CCDC171: variants seen among roughly 807,000 people sequenced by gnomAD.
CCDC171 encodes the protein coiled-coil domain containing 171.
Under a neutral mutation model 168.2 loss-of-function variants are expected in CCDC171, and 177 were observed. That is an observed-to-expected ratio of 1.05 (90% CI 0.93 to 1.19). The LOEUF is 1.19. CCDC171 is among the 50% of genes most tolerant of loss of function. CCDC171 has a pLI of 0.00. For missense variants in CCDC171, 1,991 were observed against 1,539.0 expected, an observed-to-expected ratio of 1.29 and a Z score of -4.91; for synonymous variants, 687 against 540.8, an observed-to-expected ratio of 1.27 and a Z score of -3.75.
At chr9:15,889,200 A>T (rs1215208867) in intron 24 of CCDC171, 2 of 151,554 alleles carry the variant, frequency 1.3e-5, no homozygotes, top group South Asian at 2.1e-4. Context: ...ACGTCAAATG[A>T]TCCACCTGCC....
At chr9:15,864,252 T>C (rs1348640111) in intron 23 of CCDC171, among the ~76,000 whole-genome samples, 1 of 152,104 alleles carries the variant, frequency 6.6e-6, no homozygotes, top group African/African-American at 2.4e-5. Context: ...GCATATACTT[T>C]TGTTTTTTAA....
chr9:15,859,652 G>A (rs1222617520), intron 23 of CCDC171, among the ~76,000 whole-genome samples: 4 of 116,646 alleles, frequency 3.4e-5, no homozygotes, highest in Non-Finnish European at 6.9e-5. Context: ...GTTTTGTTTT[G>A]TTTTGTTTTG....
intron 11 of CCDC171, among the ~76,000 whole-genome samples, chr9:15,703,039 G>A (rs1011286288): frequency 6.6e-6 from 1 of 152,046 alleles, no homozygotes. Flanking sequence ...GAGTAGCTTG[G>A]ACTACAGGTG....
chr9:15,910,720 C>T (rs144640304), intron 24 of CCDC171, among the ~76,000 whole-genome samples: 1,736 of 152,060 alleles, frequency 0.011, 38 homozygotes, highest in African/African-American at 0.039. Flanking sequence ...CAACAGGCCC[C>T]GGTGTGTGAT....
chr9:15,868,855 C>A (rs2061905658), intron 23 of CCDC171, among the ~76,000 whole-genome samples: 1 of 151,872 alleles, frequency 6.6e-6, no homozygotes, highest in African/African-American at 2.4e-5. Context: ...TACGGTTGTC[C>A]CTTGGTTTCC....
At chr9:15,658,395 AGAT>A (rs2048089899) in intron 8 of CCDC171, among the ~76,000 whole-genome samples, 1 of 152,324 alleles carries the variant, frequency 6.6e-6, no homozygotes, top group Admixed American at 6.5e-5. Flanking sequence ...CTGGGTGAAG[AGAT>A]GATGAACACC....
At chr9:15,694,247 A>G (rs984041183) in intron 10 of CCDC171, among the ~76,000 whole-genome samples, 2 of 152,146 alleles carry the variant, frequency 1.3e-5, no homozygotes, top group South Asian at 2.1e-4. Flanking sequence ...CTTTAAGGCA[A>G]GTTTCAGACA....
chr9:15,951,279 A>C (rs1829130961), intron 25 of CCDC171, among the ~76,000 whole-genome samples: 1 of 150,268 alleles, frequency 6.7e-6, no homozygotes, highest in Non-Finnish European at 1.5e-5. Context: ...TGGACCTAAT[A>C]GACATCTACA....
intron 7 of CCDC171, among the ~76,000 whole-genome samples, chr9:15,638,377 GT>G (rs2046354566): frequency 6.6e-6 from 1 of 152,144 alleles, no homozygotes; most frequent in South Asian, 2.1e-4. Context: ...TTTTATGTTA[GT>G]TTTACACTCA....
chr9:15,792,335 A>G (rs968160459), intron 21 of CCDC171, among the ~76,000 whole-genome samples: 1 of 152,226 alleles, frequency 6.6e-6, no homozygotes, highest in African/African-American at 2.4e-5. Flanking sequence ...AAAAGACCAG[A>G]TCTACGTCTG....
chr9:15,694,217 T>C (rs112007193), intron 10 of CCDC171, among the ~76,000 whole-genome samples: 4 of 152,318 alleles, frequency 2.6e-5, no homozygotes, highest in African/African-American at 7.2e-5. Flanking sequence ...TCCTAGGCTC[T>C]TTTCATTTCC....
chr9:15,647,940 A>AC (rs1445149839), intron 7 of CCDC171, among the ~76,000 whole-genome samples: 6 of 152,180 alleles, frequency 3.9e-5, no homozygotes, highest in Non-Finnish European at 8.8e-5. Context: ...CAGAGACACA[A>AC]CAAAAAAAGA....
At chr9:15,570,098 T>C (rs1020055511) in intron 2 of CCDC171, among the ~76,000 whole-genome samples, 1 of 152,058 alleles carries the variant, frequency 6.6e-6, no homozygotes, top group African/African-American at 2.4e-5. Context: ...GCCTCCCAAG[T>C]AGCTGGGATT....
In CCDC171 at chr9:15,815,621, T is replaced by C. The variant is rs1417386645; in HGVS notation, c.3267+30927T>C. Among the ~76,000 whole-genome samples, 4 of 115,540 alleles carry C rather than the reference T, an allele frequency of 3.5e-5. 2 individuals are homozygous for C. The highest frequency in any genetic ancestry group is 7.7e-5 in the Non-Finnish European group (4 of 51,812). The allele number at this position is 115,540 out of a possible 152,430, so 75.8% of individuals were successfully genotyped here. On this transcript the variant is annotated intron_variant, in intron 21 of 25. Transcript: ENST00000380701. ...GAAAATGTTGCATAAAGTAATATAA[T>C]CACTTAATTTTGAATAAATAATCAT...
rs980124277 is a variant in CCDC171, at chr9:15,920,158, A to G, written c.3601-112A>G. 8.6e-6 allele frequency: 5 copies of G among 583,484 alleles called. No individual in the cohort carries two copies. The East Asian group carries it at 1.2e-4, about 14-fold the overall frequency. 36.1% of individuals were successfully genotyped at this position (583,484 alleles called of 1,614,324 possible). ...TTTAGCTTTATTATTTTAAAGAAAG[A>G]TGAAAAGTTGTTTATTTTAAAATTT... On this transcript the variant is annotated intron_variant, in intron 24 of 25. Coordinates refer to ENST00000380701, the MANE Select transcript of CCDC171 (RefSeq NM_173550.4).
intron 21 of CCDC171, among the ~76,000 whole-genome samples, chr9:15,811,035 G>A (rs1416841727): frequency 2.6e-5 from 4 of 152,236 alleles, no homozygotes; most frequent in African/African-American, 9.6e-5. Flanking sequence ...TATAGAAAAT[G>A]TTTATCATTA....
At position 15,649,708 on chromosome 9, in the gene CCDC171, C is replaced by A. The variant is rs1054951165; in HGVS notation, c.823-7419C>A. ...TCAAAACCACAATGAGATACCATCT[C>A]ACACCAGTTAGAATGGCAATCATTA... On this transcript the variant is annotated intron_variant, in intron 7 of 25. Transcript: ENST00000380701. Among the ~76,000 whole-genome samples, 3 of 152,296 alleles carry A rather than the reference C, an allele frequency of 2.0e-5. No homozygotes were observed. In the East Asian group the frequency reaches 5.8e-4, roughly 29 times the overall value.
intron 21 of CCDC171, among the ~76,000 whole-genome samples, chr9:15,800,929 G>T (rs2058791994): frequency 6.6e-6 from 1 of 152,072 alleles, no homozygotes; most frequent in South Asian, 2.1e-4. Context: ...CTGTAGGTGT[G>T]TGGATTTGTT....
chr9:15,854,995 C>A (rs2061293183), intron 23 of CCDC171, among the ~76,000 whole-genome samples: 1 of 151,468 alleles, frequency 6.6e-6, no homozygotes, highest in African/African-American at 2.4e-5. Flanking sequence ...TTGTATGCTC[C>A]AATATATGGT....
Sources: allele counts gnomAD v4.1 joint callset (sites outside exome capture counted in the v4.1 genomes callset), GRCh38; gene constraint gnomAD v4.1.1; transcripts MANE v1.5; gene names NCBI Gene and HGNC (gene_info 2026-07-23, HGNC 2026-07-21).